MVB12B: variants seen among roughly 807,000 people sequenced by gnomAD.
MVB12B encodes the protein ESCRT-I complex subunit MVB12B.
A neutral mutation model predicts 41.6 loss-of-function variants in MVB12B; 16 were observed. That is an observed-to-expected ratio of 0.38 (90% CI 0.26 to 0.58). MVB12B has a LOEUF of 0.58. Ranked by LOEUF, MVB12B falls within the 20% of genes least tolerant of loss-of-function variation. MVB12B has a pLI of 0.62. For missense variants in MVB12B, 274 were observed against 380.2 expected (o/e 0.72, Z 2.32); for synonymous variants, 133 against 139.7 (o/e 0.95, Z 0.34).
At chr9:126,329,496 G>A (rs890965169) in intron 1 of MVB12B, among the ~76,000 whole-genome samples, 26 of 152,218 alleles carry the variant, frequency 1.7e-4, no homozygotes, top group African/African-American at 2.4e-4. Flanking sequence ...ACAGAACCAC[G>A]CCACCATGTG....
chr9:126,472,519 G>T (rs1308295959), intron 7 of MVB12B, among the ~76,000 whole-genome samples: 1 of 151,524 alleles, frequency 6.6e-6, no homozygotes, highest in Non-Finnish European at 1.5e-5. Context: ...AAAATAGGGG[G>T]TGGGATTAAT....
intron 2 of MVB12B, among the ~76,000 whole-genome samples, chr9:126,359,090 T>C (rs1829960674): frequency 6.6e-6 from 1 of 151,822 alleles, no homozygotes; most frequent in African/African-American, 2.4e-5. Context: ...AGACAGGGTC[T>C]CACTCTGTTG....
At chr9:126,347,751 A>T (rs532552619) in intron 2 of MVB12B, among the ~76,000 whole-genome samples, 62 of 152,274 alleles carry the variant, frequency 4.1e-4, no homozygotes, top group African/African-American at 1.5e-3. Context: ...GTTATGAAAA[A>T]CATGTGAAGA....
At position 126,369,659 on chromosome 9, in the gene MVB12B, T is replaced by C. The variant is rs551157482; in HGVS notation, c.205-11405T>C. ...TTTCACGTGGGTTTTTTTTTGTTTG[T>C]TTTTTTGTTTTTTGGCAGATTTTCA... is the stretch of plus-strand genomic sequence containing the variant. On this transcript the variant is annotated intron_variant, in intron 2 of 9. Transcript: ENST00000361171. Among the ~76,000 whole-genome samples, 281 of 152,250 alleles carry C rather than the reference T, an allele frequency of 1.8e-3. 3 individuals are homozygous for C. The highest frequency in any genetic ancestry group is 0.017 in the South Asian group (80 of 4,814).
In MVB12B at chr9:126,411,355, G is replaced by A. The variant is rs890634826; in HGVS notation, c.663-10499G>A. On this transcript the variant is annotated intron_variant, in intron 6 of 9. Coordinates refer to ENST00000361171, the MANE Select transcript of MVB12B (RefSeq NM_033446.3). ...AAGGGGAAGATACACGTTTCATTTG[G>A]TTTCTTAAACTGTCTCGGTGCCAGG... 8.5e-5 allele frequency among the ~76,000 whole-genome samples: 13 copies of A among 152,200 alleles called. No homozygotes were observed. The East Asian group carries it at 1.4e-3, about 16-fold the overall frequency.
chr9:126,410,934 C>T (rs1831630786), intron 6 of MVB12B, among the ~76,000 whole-genome samples: 1 of 149,072 alleles, frequency 6.7e-6, no homozygotes, highest in South Asian at 2.1e-4. Flanking sequence ...GTCACCCAGG[C>T]TGGAGTGCAA....
At chr9:126,364,309 G>A (rs926884949) in intron 2 of MVB12B, among the ~76,000 whole-genome samples, 2 of 152,098 alleles carry the variant, frequency 1.3e-5, no homozygotes, top group Admixed American at 1.3e-4. Flanking sequence ...TGAACGGCGC[G>A]AGTTCAACTT....
chr9:126,363,261 TA>T (rs1373177728), intron 2 of MVB12B, among the ~76,000 whole-genome samples: 2 of 152,240 alleles, frequency 1.3e-5, no homozygotes, highest in Admixed American at 1.3e-4. Context: ...TTCTTGTTTC[TA>T]ATTCCCTCCC....
Position 126,376,774 on chromosome 9 carries a change from G to A in MVB12B, c.205-4290G>A. ...GCCTCCTTCCCCACCTGCCGGGCTTGTAGAGTCCTGAGCTGTGCTGGGTTC... is the reference window on the plus strand; with the variant it reads ...GCCTCCTTCCCCACCTGCCGGGCTTATAGAGTCCTGAGCTGTGCTGGGTTC... On this transcript the variant is annotated intron_variant, in intron 2 of 9. Coordinates refer to ENST00000361171, the MANE Select transcript of MVB12B (RefSeq NM_033446.3). The surrounding 1 kb of genome is among the most constrained non-coding windows in gnomAD (Gnocchi z 4.1). 1 of 1,206,622 alleles carries A rather than the reference G, an allele frequency of 8.3e-7. No individual in the cohort carries two copies. The highest frequency in any genetic ancestry group is 1.1e-6 in the Non-Finnish European group (1 of 939,880). The allele number at this position is 1,206,622 out of a possible 1,614,324, so 74.7% of individuals were successfully genotyped here.
chr9:126,381,302 A>G lies in MVB12B; in HGVS notation c.312+131A>G. 1.2e-5 allele frequency: 8 copies of G among 680,006 alleles called. No individual in the cohort carries two copies. The Admixed American group carries it at 1.6e-4, about 13-fold the overall frequency. 42.1% of individuals were successfully genotyped at this position (680,006 alleles called of 1,614,324 possible). A position where few individuals can be genotyped will look rare whatever the true frequency, so the allele number is the denominator to read the frequency against. Reference sequence around the variant, plus strand: ...ATTAATTTATCTGTGGTTTTAGTGAACTGGGTAGAATCAGCAGCCAGCACT... The same window carrying G: ...ATTAATTTATCTGTGGTTTTAGTGAGCTGGGTAGAATCAGCAGCCAGCACT... On this transcript the variant is annotated intron_variant, in intron 3 of 9. Coordinates refer to ENST00000361171, the MANE Select transcript of MVB12B (RefSeq NM_033446.3).
chr9:126,492,716 C>T (rs1023580297), intron 9 of MVB12B, among the ~76,000 whole-genome samples: 1 of 152,196 alleles, frequency 6.6e-6, no homozygotes, highest in Non-Finnish European at 1.5e-5. Flanking sequence ...TGGCTCATGC[C>T]TTTCTTCCCA....
chr9:126,504,060 C>G lies in MVB12B; in HGVS notation c.*797C>G, dbSNP rs1215488527. On this transcript the variant is annotated 3_prime_UTR_variant, in exon 10 of 10. Transcript: ENST00000361171. ...AACAATAGCTCCAGGTGCCTCAGCCCCGTGCCCTGACCCGGGGACCACAGG... is the reference window on the plus strand; with the variant it reads ...AACAATAGCTCCAGGTGCCTCAGCCGCGTGCCCTGACCCGGGGACCACAGG... 1 of 152,472 alleles carries G rather than the reference C, an allele frequency of 6.6e-6. No individual in the cohort carries two copies. The highest frequency in any genetic ancestry group is 1.5e-5 in the Non-Finnish European group (1 of 68,226). 9.4% of individuals were successfully genotyped at this position (152,472 alleles called of 1,614,324 possible). A position where few individuals can be genotyped will look rare whatever the true frequency, so the allele number is the denominator to read the frequency against.
Position 126,473,264 on chromosome 9 carries a change from G to T in MVB12B, c.758-8105G>T, listed in dbSNP as rs190960713. Among the ~76,000 whole-genome samples the T allele has an allele frequency of 5.1e-4, 77 of 152,254 alleles. No homozygotes were observed. The highest frequency in any genetic ancestry group is 1.7e-3 in the African/African-American group (71 of 41,550). Reference sequence around the variant, plus strand: ...CTGCTGAGCTGCAGCAAAAACTCAGGTCTGCCAAGCTCCCAGCCCCTCCTT... The same window carrying T: ...CTGCTGAGCTGCAGCAAAAACTCAGTTCTGCCAAGCTCCCAGCCCCTCCTT... On this transcript the variant is annotated intron_variant, in intron 7 of 9. Coordinates refer to ENST00000361171, the MANE Select transcript of MVB12B (RefSeq NM_033446.3). This position sits in a 1 kb window ranked among gnomAD's most constrained non-coding sequence, Gnocchi z 4.0.
chr9:126,417,647 C>T (rs1831867015), intron 6 of MVB12B, among the ~76,000 whole-genome samples: 1 of 152,184 alleles, frequency 6.6e-6, no homozygotes, highest in Admixed American at 6.5e-5. Flanking sequence ...TAATTGTCTA[C>T]CCTGTGACAA....
At position 126,504,867 on chromosome 9, in the gene MVB12B, T is replaced by C. The variant is rs1289494050; in HGVS notation, c.*1604T>C. On this transcript the variant is annotated 3_prime_UTR_variant, in exon 10 of 10. Transcript: ENST00000361171. ...GTGGCACAGCAGCAGGACCTTGTCATGGGACTGATGCTGAGCAGGGAGGGG... is the reference window on the plus strand; with the variant it reads ...GTGGCACAGCAGCAGGACCTTGTCACGGGACTGATGCTGAGCAGGGAGGGG... 6.6e-6 allele frequency: 1 copy of C among 152,378 alleles called. No individual in the cohort carries two copies. Among genetic ancestry groups the C allele is most frequent in the Non-Finnish European group, 1.5e-5 (1 of 68,086 alleles). The allele number at this position is 152,378 out of a possible 1,614,324, so 9.4% of individuals were successfully genotyped here.
At chr9:126,383,635 C>T (rs899098697) in intron 3 of MVB12B, among the ~76,000 whole-genome samples, 1 of 151,942 alleles carries the variant, frequency 6.6e-6, no homozygotes, top group African/African-American at 2.4e-5. Context: ...ATCATTTGCT[C>T]AACAAGGATT....
At chr9:126,458,552 G>A (rs1833031147) in intron 7 of MVB12B, among the ~76,000 whole-genome samples, 1 of 152,156 alleles carries the variant, frequency 6.6e-6, no homozygotes, top group Admixed American at 6.5e-5. Context: ...TTTAGGGAAA[G>A]TATTTTTAAG....
At position 126,505,251 on chromosome 9, in the gene MVB12B, A is replaced by G. The variant is rs1834041845; in HGVS notation, c.*1988A>G. 1 of 152,196 alleles carries G rather than the reference A, an allele frequency of 6.6e-6. No individual in the cohort carries two copies. The highest frequency in any genetic ancestry group is 2.1e-4 in the South Asian group (1 of 4,834). The allele number at this position is 152,196 out of a possible 1,614,324, so 9.4% of individuals were successfully genotyped here. ...CGCCGCTGGACCCTAGGAGGCTCAG[A>G]GGCAGTGGTGTGGGAGCCCTGTCTG... On this transcript the variant is annotated 3_prime_UTR_variant, in exon 10 of 10. Transcript: ENST00000361171.
rs532622925 is a variant in MVB12B, at chr9:126,400,854, G to A, written c.662+5157G>A. Among the ~76,000 whole-genome samples, 6 of 152,352 alleles carry A rather than the reference G, an allele frequency of 3.9e-5. No individual in the cohort carries two copies. In the East Asian group the frequency reaches 1.2e-3, roughly 29 times the overall value. On this transcript the variant is annotated intron_variant, in intron 6 of 9. Coordinates refer to ENST00000361171, the MANE Select transcript of MVB12B (RefSeq NM_033446.3). ...TGCGGACACCGTGTCTCCGTCCAGG[G>A]TAGGCAGGCATGAGCTGACGATGGG...
Sources: allele counts gnomAD v4.1 joint callset (sites outside exome capture counted in the v4.1 genomes callset), GRCh38; gene constraint gnomAD v4.1.1; non-coding constraint Gnocchi (gnomAD v3.1); transcripts MANE v1.5; gene names NCBI Gene and HGNC (gene_info 2026-07-23, HGNC 2026-07-21).